Variants in ATP11B observed in about 807,000 individuals in gnomAD.
ATP11B encodes the protein ATPase phospholipid transporting 11B (putative), also known as phospholipid-transporting ATPase IF.
A neutral mutation model predicts 157.8 loss-of-function variants in ATP11B; 81 were observed. That is an observed-to-expected ratio of 0.51 (90% CI 0.43 to 0.62). ATP11B has a LOEUF of 0.62. Ranked by LOEUF, ATP11B falls within the 20% of genes least tolerant of loss-of-function variation. The pLI, the probability that ATP11B is intolerant of heterozygous loss-of-function variation, is 0.00. For missense variants in ATP11B, 1,165 were observed against 1,402.2 expected (o/e 0.83, Z 2.70); for synonymous variants, 451 against 469.4 (o/e 0.96, Z 0.51).
In ATP11B at chr3:182,865,514, G is replaced by T; in HGVS notation, c.1259G>T (p.Arg420Leu). Residue 420 changes from arginine (R) to leucine (L), a missense_variant, in exon 13 of 30, where the codon CGG (arginine) becomes CTG (leucine). By Grantham distance (102) the Arg-to-Leu change is moderately radical. Transcript: ENST00000323116. The part of the protein sequence containing the change: ...GTLTENEMQF[R>L]ECSINGMKYQ... ...CTGACAGAAAATGAGATGCAGTTTCGGGAATGTTCAATTAATGGCATGAAA... is the reference window on the plus strand; with the variant it reads ...CTGACAGAAAATGAGATGCAGTTTCTGGAATGTTCAATTAATGGCATGAAA... 1.2e-6 allele frequency: 2 copies of T among 1,613,578 alleles called. No individual in the cohort carries two copies. The highest frequency in any genetic ancestry group is 2.2e-5 in the South Asian group (2 of 91,032).
At chr3:182,875,408 A>G (rs1721958289) in intron 19 of ATP11B, among the ~76,000 whole-genome samples, 1 of 151,216 alleles carries the variant, frequency 6.6e-6, no homozygotes, top group Non-Finnish European at 1.5e-5. Context: ...AAGACCATGC[A>G]GGGGATTTTT....
At chr3:182,895,296 C>G (rs929918710) in intron 25 of ATP11B, among the ~76,000 whole-genome samples, 4 of 151,990 alleles carry the variant, frequency 2.6e-5, no homozygotes, top group Non-Finnish European at 5.9e-5. Context: ...ACTTTTGATT[C>G]TCCTCTTGAC....
chr3:182,845,881 G>C (rs1008872434), intron 9 of ATP11B, among the ~76,000 whole-genome samples: 1 of 152,108 alleles, frequency 6.6e-6, no homozygotes, highest in Non-Finnish European at 1.5e-5. Context: ...TATTAGATTG[G>C]ATTAATAACT....
chr3:182,879,613 A>G lies in ATP11B; in HGVS notation c.2370A>G (p.Val790=), dbSNP rs201013328. 92 of 1,614,004 alleles carry G rather than the reference A, an allele frequency of 5.7e-5. 1 individual carries two copies. The East Asian group carries it at 2.0e-3, about 36-fold the overall frequency. Reference sequence around the variant, plus strand: ...AAGTTTGCAGAAATTGTTCAGCTGTATTATGCTGTCGTATGGCTCCACTGC... The same window carrying G: ...AAGTTTGCAGAAATTGTTCAGCTGTGTTATGCTGTCGTATGGCTCCACTGC... The part of the protein sequence containing the change: ...FMEVCRNCSA[V]LCCRMAPLQK... Residue 790 remains valine (V), a synonymous_variant, in exon 20 of 30, where the codon GTA becomes GTG. Coordinates refer to ENST00000323116, the MANE Select transcript of ATP11B (RefSeq NM_014616.3).
intron 1 of ATP11B, among the ~76,000 whole-genome samples, chr3:182,802,988 A>G (rs1331227454): frequency 6.6e-6 from 1 of 152,134 alleles, no homozygotes; most frequent in African/African-American, 2.4e-5. Flanking sequence ...GCCCCAGCCA[A>G]TCTTATGGGG....
At chr3:182,844,597 A>G in intron 8 of ATP11B, 1 of 977,410 alleles carries the variant, frequency 1.0e-6, no homozygotes, top group Non-Finnish European at 1.2e-6. Flanking sequence ...ATGCAATGCA[A>G]GTAGTCAAGT....
chr3:182,818,437 T>C (rs1717101711), intron 1 of ATP11B, among the ~76,000 whole-genome samples: 3 of 152,238 alleles, frequency 2.0e-5, no homozygotes, highest in African/African-American at 7.2e-5. Context: ...ATCAGACACA[T>C]AATGCTACAT....
At chr3:182,887,230 G>A (rs1000366821) in intron 23 of ATP11B, among the ~76,000 whole-genome samples, 2 of 152,146 alleles carry the variant, frequency 1.3e-5, no homozygotes, top group Non-Finnish European at 2.9e-5. Flanking sequence ...AACTGTATGT[G>A]TTGCATGTGG....
intron 17 of ATP11B, among the ~76,000 whole-genome samples, chr3:182,870,659 G>A (rs566900622): frequency 6.6e-6 from 1 of 152,104 alleles, no homozygotes; most frequent in African/African-American, 2.4e-5. Flanking sequence ...TTATAAGTCA[G>A]GGAATGGCAA....
At chr3:182,860,116 T>G (rs1163984063) in intron 12 of ATP11B, among the ~76,000 whole-genome samples, 2 of 152,220 alleles carry the variant, frequency 1.3e-5, no homozygotes, top group Non-Finnish European at 2.9e-5. Context: ...CTCCTCTTTC[T>G]TGCATCCCAT....
At chr3:182,880,688 A>T (rs940860003) in intron 20 of ATP11B, among the ~76,000 whole-genome samples, 191 bp from the exon 21 acceptor site, 1 of 152,186 alleles carries the variant, frequency 6.6e-6, no homozygotes, top group Non-Finnish European at 1.5e-5. Flanking sequence ...TTATTATAAC[A>T]TTTCTGAAAG....
intron 13 of ATP11B, among the ~76,000 whole-genome samples, 184 bp downstream of exon 13, chr3:182,865,882 TGTTATTTAATAC>T (rs1721194515): frequency 6.6e-6 from 1 of 152,230 alleles, no homozygotes; most frequent in South Asian, 2.1e-4. Flanking sequence ...CAGTTTAACT[TGTTATTTAATAC>T]GTGTCTGCCT....
chr3:182,889,595 GT>G (rs765836505), intron 25 of ATP11B, 47 bp downstream of exon 25: 4 of 1,420,516 alleles, frequency 2.8e-6, no homozygotes, highest in Middle Eastern at 2.2e-4. Flanking sequence ...TATTTTATGG[GT>G]TTTTTATAGC....
At chr3:182,915,366 A>G in intron 29 of ATP11B, 2 of 985,384 alleles carry the variant, frequency 2.0e-6, no homozygotes, top group Non-Finnish European at 2.4e-6. Flanking sequence ...TAGAAGGATG[A>G]GCACTTAAAC....
rs1234067276 is a variant in ATP11B, at chr3:182,872,398, T to A, written c.1909T>A (p.Ser637Thr). Residue 637 changes from serine (S) to threonine (T), a missense_variant, in exon 18 of 30, where the codon TCA (serine) becomes ACA (threonine). Physicochemically the swap from Ser to Thr is moderately conservative, Grantham distance 58. Transcript: ENST00000323116. Reference sequence around the variant, plus strand: ...GTGTATAGCATATAGAAAATTTACATCAAAAGAGTATGAGGAAATAGATAA... The same window carrying A: ...GTGTATAGCATATAGAAAATTTACAACAAAAGAGTATGAGGAAATAGATAA... Reference protein sequence around the residue: ...TLCIAYRKFTSKEYEEIDKRI... With the variant: ...TLCIAYRKFTTKEYEEIDKRI... 1.2e-6 allele frequency: 2 copies of A among 1,613,564 alleles called. No homozygotes were observed. The highest frequency in any genetic ancestry group is 1.7e-6 in the Non-Finnish European group (2 of 1,179,714).
intron 1 of ATP11B, among the ~76,000 whole-genome samples, chr3:182,819,466 C>CT (rs1378182120): frequency 6.6e-6 from 1 of 152,180 alleles, no homozygotes; most frequent in East Asian, 1.9e-4. Context: ...ATACAGTCCT[C>CT]TAAGAATAAA....
At chr3:182,906,512 T>C (rs968381001) in intron 28 of ATP11B, among the ~76,000 whole-genome samples, 4 of 152,150 alleles carry the variant, frequency 2.6e-5, no homozygotes, top group Non-Finnish European at 5.9e-5. Context: ...GGCACGATCA[T>C]GGCTCACTGC....
At chr3:182,881,839 A>C (rs1180277636) in intron 21 of ATP11B, among the ~76,000 whole-genome samples, 1 of 152,186 alleles carries the variant, frequency 6.6e-6, no homozygotes, top group Non-Finnish European at 1.5e-5. Context: ...AAGATCCTAC[A>C]GCGCATTTTA....
intron 29 of ATP11B, chr3:182,915,536 A>G: frequency 1.0e-6 from 1 of 983,116 alleles, no homozygotes; most frequent in Non-Finnish European, 1.2e-6. Context: ...ACTAAGATAC[A>G]ATAGAACCTC....
Sources: allele counts gnomAD v4.1 joint callset (sites outside exome capture counted in the v4.1 genomes callset), GRCh38; gene constraint gnomAD v4.1.1; transcripts MANE v1.5; gene names NCBI Gene and HGNC (gene_info 2026-07-23, HGNC 2026-07-21).